The following EYS variants were observed in gnomAD, a reference collection of about 807,000 sequenced individuals.
EYS encodes EGF-like photoreceptor maintenance factor, also known as protein eyes shut homolog.
In EYS, 250 loss-of-function variants were observed where a neutral mutation model predicts 282.1. That is an observed-to-expected ratio of 0.89 (90% CI 0.80 to 0.98). The LOEUF (loss-of-function observed/expected upper bound fraction) is 0.98. EYS is among the 50% of genes least tolerant of loss of function. EYS has a pLI of 0.00. For missense variants in EYS, 4,016 were observed against 3,709.0 expected, an observed-to-expected ratio of 1.08 and a Z score of -2.15; for synonymous variants, 1,355 against 1,282.9, an observed-to-expected ratio of 1.06 and a Z score of -1.20.
intron 31 of EYS, among the ~76,000 whole-genome samples, chr6:64,100,345 T>C (rs1254277897): frequency 6.6e-6 from 1 of 152,192 alleles, no homozygotes; most frequent in Non-Finnish European, 1.5e-5. Flanking sequence ...TTTTATTACA[T>C]TGCCTGGAAT....
chr6:64,899,261 C>T (rs1767572917), intron 18 of EYS, among the ~76,000 whole-genome samples: 1 of 152,124 alleles, frequency 6.6e-6, no homozygotes, highest in Non-Finnish European at 1.5e-5. Flanking sequence ...GTCTCTCAGA[C>T]CACAGTGCAA....
At chr6:65,664,192 C>T (rs1768123275) in intron 1 of EYS, among the ~76,000 whole-genome samples, 1 of 151,966 alleles carries the variant, frequency 6.6e-6, no homozygotes, top group Non-Finnish European at 1.5e-5. Flanking sequence ...TATATTTCAA[C>T]CAAAATTAGA....
At chr6:65,604,841 CCTT>C (rs1465931267) in intron 2 of EYS, among the ~76,000 whole-genome samples, 1 of 112,538 alleles carries the variant, frequency 8.9e-6, no homozygotes, top group African/African-American at 3.5e-5. Context: ...TTCACTGCCC[CCTT>C]TTTTTTTTTT....
chr6:65,532,317 A>G (rs1046619058), intron 2 of EYS, among the ~76,000 whole-genome samples: 12 of 152,100 alleles, frequency 7.9e-5, no homozygotes, highest in African/African-American at 2.4e-4. Flanking sequence ...TTTCTATTCA[A>G]TCTGAATGAT....
chr6:64,240,716 C>T (rs1415569611), intron 30 of EYS, among the ~76,000 whole-genome samples: 1 of 152,134 alleles, frequency 6.6e-6, no homozygotes, highest in African/African-American at 2.4e-5. Flanking sequence ...ATTTGGCTTC[C>T]TCTTTTCCTG....
rs574195104 is a variant in EYS at position 64,088,792 on chromosome 6, A to T, written c.6425-6790T>A. On this transcript the variant is annotated intron_variant, in intron 31 of 42. Transcript: ENST00000503581. Reference sequence around the variant, plus strand: ...TACCCTGAACACAACGCAACTTAGCAGAATAAAAGTTAGTGATTCTGAATA... The same window carrying T: ...TACCCTGAACACAACGCAACTTAGCTGAATAAAAGTTAGTGATTCTGAATA... 2.0e-5 allele frequency among the ~76,000 whole-genome samples: 3 copies of T among 152,162 alleles called. No homozygotes were observed. In the East Asian group the frequency reaches 5.8e-4, roughly 29 times the overall value.
At chr6:64,890,916 T>C (rs1482920985) in intron 18 of EYS, among the ~76,000 whole-genome samples, 1 of 152,124 alleles carries the variant, frequency 6.6e-6, no homozygotes, top group Non-Finnish European at 1.5e-5. Flanking sequence ...TTGCTTTCAA[T>C]CAAGACCATT....
At chr6:65,415,831 C>T (rs1332187871) in intron 5 of EYS, among the ~76,000 whole-genome samples, 2 of 151,954 alleles carry the variant, frequency 1.3e-5, no homozygotes, top group East Asian at 1.9e-4. Flanking sequence ...AAAAAATGCA[C>T]ACATTAGAAA....
intron 33 of EYS, among the ~76,000 whole-genome samples, chr6:64,004,364 C>A (rs1325942692): frequency 6.6e-6 from 1 of 151,900 alleles, no homozygotes; most frequent in Non-Finnish European, 1.5e-5. Context: ...TTTTAATATA[C>A]TTTCTTATAA....
At chr6:64,876,039 G>T (rs1766741060) in intron 19 of EYS, among the ~76,000 whole-genome samples, 1 of 151,712 alleles carries the variant, frequency 6.6e-6, no homozygotes, top group South Asian at 2.1e-4. Context: ...AATTTAGAAA[G>T]ATTTATTATG....
At chr6:65,127,076 ATTC>A (rs1365383114) in intron 12 of EYS, among the ~76,000 whole-genome samples, 5 of 152,158 alleles carry the variant, frequency 3.3e-5, no homozygotes, top group Non-Finnish European at 7.4e-5. Flanking sequence ...CTGTTTCAAA[ATTC>A]TTCTTTATAT....
intron 22 of EYS, among the ~76,000 whole-genome samples, chr6:64,647,419 T>C (rs1768393637): frequency 6.6e-6 from 1 of 152,206 alleles, no homozygotes. Context: ...AAGATAAAAT[T>C]ATCTTAATAC....
At chr6:64,829,683 G>A (rs1341517590) in intron 19 of EYS, among the ~76,000 whole-genome samples, 1 of 151,904 alleles carries the variant, frequency 6.6e-6, no homozygotes, top group Non-Finnish European at 1.5e-5. Flanking sequence ...AGCTTTTGGG[G>A]ATGGAACACT....
intron 26 of EYS, among the ~76,000 whole-genome samples, chr6:64,540,475 A>ATTTTTTTTTTTTTTTTTTTTTTTTTTTT (rs397888030): frequency 1.2e-5 from 1 of 83,498 alleles, no homozygotes. Context: ...CCAAGTACAG[A>ATTTTTTTTTTTTTTTTTTTTTTTTTTTT]TTTTTTTTTT....
chr6:64,186,248 T>TACACACACACACAC (rs34727951), intron 31 of EYS, among the ~76,000 whole-genome samples: 7 of 147,072 alleles, frequency 4.8e-5, no homozygotes, highest in African/African-American at 1.5e-4. Flanking sequence ...ATGTGTGTTT[T>TACACACACACACAC]ACACACACAC....
chr6:64,970,901 T>A (rs1770270707), intron 14 of EYS, among the ~76,000 whole-genome samples: 1 of 152,194 alleles, frequency 6.6e-6, no homozygotes, highest in Non-Finnish European at 1.5e-5. Flanking sequence ...TGTGACACCA[T>A]CACTGCAGCT....
intron 31 of EYS, among the ~76,000 whole-genome samples, chr6:64,109,741 T>C (rs1381507428): frequency 6.6e-6 from 1 of 152,094 alleles, no homozygotes; most frequent in Non-Finnish European, 1.5e-5. Flanking sequence ...AGTCCATGAA[T>C]TGCTACCACT....
intron 5 of EYS, among the ~76,000 whole-genome samples, chr6:65,469,227 A>G (rs1287318895): frequency 6.6e-6 from 1 of 152,018 alleles, no homozygotes; most frequent in Non-Finnish European, 1.5e-5. Context: ...AATACATCAA[A>G]TTTTATGAGT....
chr6:64,393,408 C>G (rs1773234279), intron 28 of EYS, among the ~76,000 whole-genome samples: 1 of 152,164 alleles, frequency 6.6e-6, no homozygotes, highest in African/African-American at 2.4e-5. Context: ...ACGAATCCAG[C>G]AACACATCAA....
Sources: allele counts gnomAD v4.1 joint callset (sites outside exome capture counted in the v4.1 genomes callset), GRCh38; gene constraint gnomAD v4.1.1; transcripts MANE v1.5; gene names NCBI Gene and HGNC (gene_info 2026-07-23, HGNC 2026-07-21).